The following FBXL20 variants were observed in gnomAD, a reference collection of about 807,000 sequenced individuals.
The protein encoded by FBXL20 is F-box and leucine rich repeat protein 20.
In FBXL20, 11 loss-of-function variants were observed where a neutral mutation model predicts 64.0. The ratio of observed to expected loss-of-function variants is 0.17; its 90% CI spans 0.11 to 0.28. The LOEUF (loss-of-function observed/expected upper bound fraction) is 0.28. Among genes scored for constraint, FBXL20 ranks in the 10% least tolerant of loss-of-function variants. The probability of loss-of-function intolerance (pLI) is 1.00; values close to 1 mark genes in which losing one functional copy is unlikely to be tolerated. For missense variants in FBXL20, 303 were observed against 526.2 expected, an observed-to-expected ratio of 0.58 and a Z score of 4.15; for synonymous variants, 184 against 189.0, an observed-to-expected ratio of 0.97 and a Z score of 0.22.
chr17:39,339,287 A>C (rs2047559163), intron 2 of FBXL20, among the ~76,000 whole-genome samples: 1 of 152,104 alleles, frequency 6.6e-6, no homozygotes, highest in Admixed American at 6.6e-5. Context: ...TGGGTAACAT[A>C]GCAATACCCC....
At chr17:39,309,418 C>A (rs527936519) in intron 2 of FBXL20, among the ~76,000 whole-genome samples, 2 of 152,170 alleles carry the variant, frequency 1.3e-5, no homozygotes, top group African/African-American at 4.8e-5. Flanking sequence ...TGAAGGATTA[C>A]TTAAACTAGG....
intron 1 of FBXL20, among the ~76,000 whole-genome samples, chr17:39,348,094 T>C (rs1234599904): frequency 1.3e-5 from 2 of 151,790 alleles, no homozygotes; most frequent in Admixed American, 1.3e-4. Context: ...GTCTTTTTTT[T>C]TTTTTGGTAG....
intron 1 of FBXL20, among the ~76,000 whole-genome samples, chr17:39,388,703 C>A (rs936000825): frequency 1.3e-4 from 20 of 150,872 alleles, no homozygotes; most frequent in Non-Finnish European, 2.8e-4. Flanking sequence ...AGGATGGTCT[C>A]GATCTCTTGA....
intron 1 of FBXL20, among the ~76,000 whole-genome samples, chr17:39,363,088 G>A (rs925415143): frequency 4.6e-5 from 7 of 150,690 alleles, no homozygotes; most frequent in Non-Finnish European, 8.9e-5. Context: ...CACAACCTCC[G>A]CCTCCTGGGT....
At chr17:39,391,560 A>G (rs1458315328) in intron 1 of FBXL20, among the ~76,000 whole-genome samples, 1 of 152,132 alleles carries the variant, frequency 6.6e-6, no homozygotes, top group Non-Finnish European at 1.5e-5. Flanking sequence ...AAAAACACAA[A>G]TTTATATAAA....
chr17:39,349,580 C>CCA (rs35866845), intron 1 of FBXL20, among the ~76,000 whole-genome samples: 4,865 of 151,608 alleles, frequency 0.032, 270 homozygotes, highest in African/African-American at 0.11. Context: ...CAGTGAGACC[C>CCA]CACCTCTGGA....
chr17:39,317,689 G>GTT (rs756785816), intron 2 of FBXL20, among the ~76,000 whole-genome samples: 52 of 47,134 alleles, frequency 1.1e-3, no homozygotes, highest in Non-Finnish European at 1.7e-3. Context: ...TTTTTTTTTT[G>GTT]TTTTTTTTTT....
chr17:39,308,922 T>C (rs1034669261), intron 2 of FBXL20, among the ~76,000 whole-genome samples: 2 of 151,996 alleles, frequency 1.3e-5, no homozygotes, highest in African/African-American at 2.4e-5. Flanking sequence ...ACAAGTATTA[T>C]AGGCATAGCC....
At position 39,257,510 on chromosome 17, in the gene FBXL20, G is replaced by A. The variant is rs1772357868; in HGVS notation, c.*3950C>T. On this transcript the variant is annotated 3_prime_UTR_variant, in exon 15 of 15. Transcript: ENST00000264658. ...ACTTTTACCTTCAGTAAAGACAAGAGCAGAATAGGAGAAGAAAACATTTTT... is the reference window on the plus strand; with the variant it reads ...ACTTTTACCTTCAGTAAAGACAAGAACAGAATAGGAGAAGAAAACATTTTT... 6.6e-6 allele frequency: 1 copy of A among 152,218 alleles called. No homozygotes were observed. The highest frequency in any genetic ancestry group is 2.4e-5 in the African/African-American group (1 of 41,450). The allele number at this position is 152,218 out of a possible 1,614,324, so 9.4% of individuals were successfully genotyped here.
chr17:39,327,770 G>A (rs2047422543), intron 2 of FBXL20, among the ~76,000 whole-genome samples: 2 of 151,800 alleles, frequency 1.3e-5, no homozygotes, highest in African/African-American at 2.4e-5. Context: ...GCACAATCTC[G>A]GCTCACTGCA....
At chr17:39,326,320 T>C (rs1052040476) in intron 2 of FBXL20, among the ~76,000 whole-genome samples, 1 of 151,910 alleles carries the variant, frequency 6.6e-6, no homozygotes, top group South Asian at 2.1e-4. Context: ...TAAAACAAAC[T>C]ATATTCTAAA....
chr17:39,272,124 C>A (rs562148901), intron 10 of FBXL20, among the ~76,000 whole-genome samples: 1 of 152,152 alleles, frequency 6.6e-6, no homozygotes, highest in East Asian at 1.9e-4. Context: ...CGGTGACTCA[C>A]GCCTGTAATC....
At chr17:39,395,544 A>G (rs1223977276) in intron 1 of FBXL20, among the ~76,000 whole-genome samples, 5 of 152,228 alleles carry the variant, frequency 3.3e-5, no homozygotes, top group African/African-American at 4.8e-5. Flanking sequence ...TTTGCTATGT[A>G]TTTTCTATAA....
At chr17:39,402,363 G>C (rs2048257814), upstream of FBXL20, 2 of 510,648 alleles carry the variant, frequency 3.9e-6, no homozygotes, top group East Asian at 7.1e-5. Context: ...TGGGGGGCCG[G>C]GGCCGGACGC....
chr17:39,264,142 A>G (rs1360082018), intron 14 of FBXL20, 33 bp downstream of exon 14: 1 of 1,597,726 alleles, frequency 6.3e-7, no homozygotes, highest in Non-Finnish European at 8.6e-7. Flanking sequence ...TGCTGCTAAC[A>G]CTAGAGTTGG....
At position 39,371,872 on chromosome 17, in the gene FBXL20, C is replaced by T. The variant is rs1358423175; in HGVS notation, c.43-28631G>A. On this transcript the variant is annotated intron_variant, in intron 1 of 14. Transcript: ENST00000264658. Reference sequence around the variant, plus strand: ...GGCTGACGGTAGCTGTCCAACTACTCAGGTTTAAAGGAGAAAGTACTGAGA... The same window carrying T: ...GGCTGACGGTAGCTGTCCAACTACTTAGGTTTAAAGGAGAAAGTACTGAGA... 2.6e-5 allele frequency among the ~76,000 whole-genome samples: 4 copies of T among 152,070 alleles called. No individual in the cohort carries two copies. In the East Asian group the frequency reaches 5.8e-4, roughly 22 times the overall value.
intron 4 of FBXL20, among the ~76,000 whole-genome samples, chr17:39,300,624 A>AT (rs2047125352): frequency 1.3e-5 from 2 of 152,316 alleles, no homozygotes; most frequent in East Asian, 3.9e-4. Flanking sequence ...ATCTCAAAAA[A>AT]ATATATACGA....
chr17:39,336,322 T>C (rs1262720807), intron 2 of FBXL20, among the ~76,000 whole-genome samples: 1 of 152,232 alleles, frequency 6.6e-6, no homozygotes, highest in Non-Finnish European at 1.5e-5. Flanking sequence ...AAATGTTGTA[T>C]ATTTATTAAA....
At chr17:39,294,558 TC>T (rs1372887060) in intron 6 of FBXL20, among the ~76,000 whole-genome samples, 1 of 151,970 alleles carries the variant, frequency 6.6e-6, no homozygotes, top group Non-Finnish European at 1.5e-5. Flanking sequence ...TGAGCCACAG[TC>T]CCCTGCTGCT....
Sources: allele counts gnomAD v4.1 joint callset (sites outside exome capture counted in the v4.1 genomes callset), GRCh38; gene constraint gnomAD v4.1.1; transcripts MANE v1.5; gene names NCBI Gene and HGNC (gene_info 2026-07-23, HGNC 2026-07-21).